The following CPA6 variants were observed in gnomAD, a reference collection of about 807,000 sequenced individuals.
CPA6 encodes carboxypeptidase A6.
In CPA6, 58 loss-of-function variants were observed where a neutral mutation model predicts 63.3. The observed-to-expected ratio is 0.92, with a 90% confidence interval of 0.74 to 1.14. The LOEUF (loss-of-function observed/expected upper bound fraction) is 1.14, where lower values mean the gene tolerates loss of function less well. Ranked by LOEUF, CPA6 falls within the 50% of genes most tolerant of loss-of-function variation. The probability of loss-of-function intolerance (pLI) is 0.00; values close to 1 mark genes in which losing one functional copy is unlikely to be tolerated. For synonymous variants in CPA6, 185 were observed against 179.0 expected, an observed-to-expected ratio of 1.03 and a Z score of -0.27; for missense variants, 565 against 526.6, an observed-to-expected ratio of 1.07 and a Z score of -0.71.
At position 67,548,392 on chromosome 8, in the gene CPA6, C is replaced by T. The variant is rs530471848; in HGVS notation, c.193-30345G>A. Among the ~76,000 whole-genome samples, 41 of 151,808 alleles carry T rather than the reference C, an allele frequency of 2.7e-4. No individual in the cohort carries two copies. In the East Asian group the frequency reaches 7.6e-3, roughly 28 times the overall value. On this transcript the variant is annotated intron_variant, in intron 2 of 10. Coordinates refer to ENST00000297770, the MANE Select transcript of CPA6 (RefSeq NM_020361.5). ...TCAGCCTCCTGAGCAGCTGGGACTA[C>T]AGACACGTGCCACCATGCCTGGCTA...
chr8:67,677,342 CT>C (rs35049117), intron 1 of CPA6, among the ~76,000 whole-genome samples: 45,876 of 127,978 alleles, frequency 0.36, 7,025 homozygotes, highest in East Asian at 0.48. Flanking sequence ...AAAACACCTT[CT>C]TTTTTTTTTT....
chr8:67,502,451 T>C (rs1306947474), intron 6 of CPA6, among the ~76,000 whole-genome samples: 1 of 152,192 alleles, frequency 6.6e-6, no homozygotes, highest in Non-Finnish European at 1.5e-5. Flanking sequence ...TATTGTTTTA[T>C]TGATTTTCTC....
intron 8 of CPA6, among the ~76,000 whole-genome samples, chr8:67,437,949 T>C (rs1475887157): frequency 6.6e-6 from 1 of 152,160 alleles, no homozygotes; most frequent in African/African-American, 2.4e-5. Context: ...GGAGTCTTGC[T>C]CAGTCGCTCA....
At chr8:67,440,257 A>G (rs939961090) in intron 8 of CPA6, among the ~76,000 whole-genome samples, 2 of 152,092 alleles carry the variant, frequency 1.3e-5, no homozygotes, top group Non-Finnish European at 2.9e-5. Context: ...CATTCCAGCC[A>G]TGTATCACTT....
rs147140011 is a variant in CPA6 at position 67,707,323 on chromosome 8, C to G, written c.116+38691G>C. On this transcript the variant is annotated intron_variant, in intron 1 of 10. Transcript: ENST00000297770. Reference sequence around the variant, plus strand: ...AGAGAAGACTGACATAATCCTTTCACGACTTTTTGCTTAAAACCTTGCTGA... The same window carrying G: ...AGAGAAGACTGACATAATCCTTTCAGGACTTTTTGCTTAAAACCTTGCTGA... 4.6e-5 allele frequency among the ~76,000 whole-genome samples: 7 copies of G among 152,308 alleles called. No homozygotes were observed. The East Asian group carries it at 1.4e-3, about 29-fold the overall frequency.
Position 67,511,607 on chromosome 8 carries a change from C to G in CPA6, c.366G>C (p.Leu122Phe). ...LQKTLEKGSS[L>F]HTQRNRRSLS... ...GGGATCTTCGGTTTCTCTGGGTGTGCAAGCTGCTTCCCTTCTCCAGTGTTT... is the reference window on the plus strand; with the variant it reads ...GGGATCTTCGGTTTCTCTGGGTGTGGAAGCTGCTTCCCTTCTCCAGTGTTT... The change falls in exon 4 of 11, where the codon TTG becomes TTC. Residue 122 changes from leucine (L) to phenylalanine (F), a missense_variant. Physicochemically the swap from Leu to Phe is conservative, Grantham distance 22 (BLOSUM62 0). Transcript: ENST00000297770. The G allele has an allele frequency of 1.2e-6, 2 of 1,612,750 alleles. No homozygotes were observed. The highest frequency in any genetic ancestry group is 1.7e-6 in the Non-Finnish European group (2 of 1,178,874).
intron 2 of CPA6, among the ~76,000 whole-genome samples, chr8:67,521,497 G>A (rs1328358172): frequency 6.6e-6 from 1 of 152,204 alleles, no homozygotes; most frequent in African/African-American, 2.4e-5. Context: ...AAATAGCAGA[G>A]GGTCACATAG....
At chr8:67,588,786 AC>A (rs1419038219) in intron 2 of CPA6, among the ~76,000 whole-genome samples, 1 of 152,174 alleles carries the variant, frequency 6.6e-6, no homozygotes, top group Non-Finnish European at 1.5e-5. Context: ...CCAGCCCCAA[AC>A]TGTGATTTGC....
chr8:67,555,347 A>C (rs1445613437), intron 2 of CPA6, among the ~76,000 whole-genome samples: 1 of 152,176 alleles, frequency 6.6e-6, no homozygotes, highest in Non-Finnish European at 1.5e-5. Flanking sequence ...CAATGATTTA[A>C]TCAATCACGT....
chr8:67,535,481 A>G (rs1048242252), intron 2 of CPA6, among the ~76,000 whole-genome samples: 3 of 152,034 alleles, frequency 2.0e-5, no homozygotes, highest in African/African-American at 7.2e-5. Context: ...AGCTTTTTTC[A>G]TATGTTTGTT....
chr8:67,562,153 A>G (rs921194655), intron 2 of CPA6, among the ~76,000 whole-genome samples: 5 of 152,180 alleles, frequency 3.3e-5, no homozygotes, highest in Admixed American at 6.5e-5. Context: ...CGATGAGGGG[A>G]ACCAGAAGCT....
intron 1 of CPA6, among the ~76,000 whole-genome samples, chr8:67,653,973 G>A: frequency 6.6e-6 from 1 of 151,534 alleles, no homozygotes; most frequent in East Asian, 1.9e-4. Context: ...TTTTGTCAAA[G>A]GCCTTTTCTG....
intron 1 of CPA6, among the ~76,000 whole-genome samples, chr8:67,626,232 T>C (rs1815191324): frequency 6.6e-6 from 1 of 152,194 alleles, no homozygotes; most frequent in South Asian, 2.1e-4. Context: ...TACAGATGGA[T>C]AGCAGTTTCC....
At chr8:67,734,848 C>G (rs542457956) in intron 1 of CPA6, among the ~76,000 whole-genome samples, 80 of 152,172 alleles carry the variant, frequency 5.3e-4, no homozygotes, top group Admixed American at 2.5e-3. Context: ...AAAAAGGAAC[C>G]TAGTTGACAT....
At chr8:67,593,250 C>T (rs1296155984) in intron 2 of CPA6, among the ~76,000 whole-genome samples, 12 of 150,576 alleles carry the variant, frequency 8.0e-5, no homozygotes, top group Non-Finnish European at 1.0e-4. Context: ...GTCTGAGAGA[C>T]AGTTTGTTAT....
intron 1 of CPA6, among the ~76,000 whole-genome samples, chr8:67,676,597 T>C (rs1202472396): frequency 6.6e-6 from 1 of 152,204 alleles, no homozygotes; most frequent in South Asian, 2.1e-4. Flanking sequence ...CTTTTATAGA[T>C]TAATTGCACA....
chr8:67,573,891 CAAAAAAAAAAAA>C, intron 2 of CPA6, among the ~76,000 whole-genome samples: 1 of 33,494 alleles, frequency 3.0e-5, no homozygotes, highest in African/African-American at 1.1e-4. Flanking sequence ...GACTCCGTCT[CAAAAAAAAAAAA>C]AAAAAAAAAA....
At chr8:67,707,690 T>C (rs1817166421) in intron 1 of CPA6, among the ~76,000 whole-genome samples, 1 of 152,080 alleles carries the variant, frequency 6.6e-6, no homozygotes, top group South Asian at 2.1e-4. Flanking sequence ...AGGTGGATCA[T>C]GAGGTCAGGA....
chr8:67,529,653 A>G (rs1489560322), intron 2 of CPA6, among the ~76,000 whole-genome samples: 1 of 152,240 alleles, frequency 6.6e-6, no homozygotes, highest in African/African-American at 2.4e-5. Flanking sequence ...AAGTAGGTCA[A>G]GTGAAAACGA....
Sources: allele counts gnomAD v4.1 joint callset (sites outside exome capture counted in the v4.1 genomes callset), GRCh38; gene constraint gnomAD v4.1.1; transcripts MANE v1.5; gene names NCBI Gene and HGNC (gene_info 2026-07-23, HGNC 2026-07-21).